Variants in EFR3A observed in about 807,000 individuals in gnomAD.
The protein encoded by EFR3A is protein EFR3 homolog A.
In EFR3A, 76 loss-of-function variants were observed where a neutral mutation model predicts 104.4. The observed-to-expected ratio is 0.73, with a 90% CI of 0.60 to 0.88. The LOEUF (loss-of-function observed/expected upper bound fraction) is 0.88. Among genes scored for constraint, EFR3A ranks in the 40% least tolerant of loss-of-function variants. EFR3A has a pLI of 0.00. For synonymous variants in EFR3A, 330 were observed against 330.0 expected (o/e 1.00, Z 0.00); for missense variants, 985 against 1,012.5 (o/e 0.97, Z 0.37).
Position 131,992,873 on chromosome 8 carries a change from G to C in EFR3A, c.2066-3533G>C, listed in dbSNP as rs76909325. On this transcript the variant is annotated intron_variant, in intron 18 of 22. Coordinates refer to ENST00000254624, the MANE Select transcript of EFR3A (RefSeq NM_015137.6). ...GTCCTTTTAATTCACAAGCAGTTTG[G>C]GGGGCATGGCTTGGGAAGTTATGTG... 7.9e-5 allele frequency among the ~76,000 whole-genome samples: 12 copies of C among 152,192 alleles called. No homozygotes were observed. The East Asian group carries it at 1.9e-3, about 24-fold the overall frequency.
intron 22 of EFR3A, 94 bp downstream of exon 22, chr8:132,003,379 T>C (rs1821884819): frequency 5.2e-6 from 6 of 1,156,866 alleles, no homozygotes; most frequent in African/African-American, 1.5e-5. Flanking sequence ...GTTTAAGTTA[T>C]CATGTTAAAG....
At chr8:131,922,670 C>T (rs1817108549) in intron 1 of EFR3A, among the ~76,000 whole-genome samples, 1 of 152,098 alleles carries the variant, frequency 6.6e-6, no homozygotes, top group South Asian at 2.1e-4. Flanking sequence ...AAATGGACAG[C>T]CTTGTTTCCA....
intron 1 of EFR3A, among the ~76,000 whole-genome samples, chr8:131,920,584 T>C (rs1816962570): frequency 6.6e-6 from 1 of 152,188 alleles, no homozygotes; most frequent in Admixed American, 6.5e-5. Flanking sequence ...CTGACTTAAG[T>C]TTTGTACGTC....
intron 15 of EFR3A, 91 bp downstream of exon 15, chr8:131,984,391 T>G (rs1820772494): frequency 8.0e-7 from 1 of 1,251,496 alleles, no homozygotes. Context: ...GACATGAATT[T>G]TAAAAGGGAG....
chr8:131,904,332 C>G lies in EFR3A; in HGVS notation c.10+10C>G. On this transcript the variant is annotated intron_variant, in intron 1 of 22. Coordinates refer to ENST00000254624, the MANE Select transcript of EFR3A (RefSeq NM_015137.6). The stretch of plus-strand genomic sequence containing the variant: ...ATCGCCATGCCTACCCGTGAGTGGC[C>G]GGCCGAGGGCCGGGGGCGTTGGGAG... The G allele has an allele frequency of 8.0e-7, 1 of 1,251,164 alleles. No individual in the cohort carries two copies. The highest frequency in any genetic ancestry group is 1.0e-6 in the Non-Finnish European group (1 of 996,760). The allele number at this position is 1,251,164 out of a possible 1,614,324, so 77.5% of individuals were successfully genotyped here. A position where few individuals can be genotyped will look rare whatever the true frequency, so the allele number is the denominator to read the frequency against.
chr8:131,989,256 T>A (rs1351529352), intron 18 of EFR3A, among the ~76,000 whole-genome samples: 1 of 152,200 alleles, frequency 6.6e-6, no homozygotes, highest in African/African-American at 2.4e-5. Flanking sequence ...AAATTTCCTT[T>A]TGCTGTGTAA....
At chr8:131,930,207 G>A (rs1234003671) in intron 1 of EFR3A, among the ~76,000 whole-genome samples, 1 of 152,102 alleles carries the variant, frequency 6.6e-6, no homozygotes, top group Non-Finnish European at 1.5e-5. Context: ...CCATGTGCTG[G>A]ATGGACATTG....
At chr8:131,925,060 G>T (rs1817233971) in intron 1 of EFR3A, among the ~76,000 whole-genome samples, 1 of 152,008 alleles carries the variant, frequency 6.6e-6, no homozygotes. Flanking sequence ...CTTAGTCTTA[G>T]TTCCTTAGTC....
Position 131,946,515 on chromosome 8 carries a change from A to G in EFR3A, c.248A>G (p.Gln83Arg). ...YVLIAMEALD[Q>R]LLMACHSQSI... Reference sequence around the variant, plus strand: ...TTGATTGCTATGGAGGCACTGGACCAACTTCTCATGGCTTGCCATTCTCAA... The same window carrying G: ...TTGATTGCTATGGAGGCACTGGACCGACTTCTCATGGCTTGCCATTCTCAA... Residue 83 changes from glutamine (Q) to arginine (R), a missense_variant, in exon 4 of 23, where the codon CAA (glutamine) becomes CGA (arginine). Physicochemically the swap from Gln to Arg is conservative, Grantham distance 43. Transcript: ENST00000254624. 3 of 1,606,320 alleles carry G rather than the reference A, an allele frequency of 1.9e-6. No homozygotes were observed. Among genetic ancestry groups the G allele is most frequent in the Non-Finnish European group, 2.6e-6 (3 of 1,176,408 alleles).
chr8:131,963,098 A>G (rs1819484257), intron 8 of EFR3A, among the ~76,000 whole-genome samples: 1 of 152,244 alleles, frequency 6.6e-6, no homozygotes, highest in Non-Finnish European at 1.5e-5. Context: ...ATAGCACTAA[A>G]TGCCCACAAG....
At chr8:131,965,132 A>G (rs1054411191) in intron 8 of EFR3A, among the ~76,000 whole-genome samples, 1 of 152,182 alleles carries the variant, frequency 6.6e-6, no homozygotes, top group African/African-American at 2.4e-5. Flanking sequence ...AACCTAGGCA[A>G]TACCATTCAG....
chr8:131,946,625 A>T lies in EFR3A; in HGVS notation c.358A>T (p.Thr120Ser), dbSNP rs776970611. 14 of 1,596,974 alleles carry T rather than the reference A, an allele frequency of 8.8e-6. No individual in the cohort carries two copies. In the South Asian group the frequency reaches 1.6e-4, roughly 18 times the overall value. ...SGEPKLQVLGTNSFVKFANIE... is the reference protein window; with the variant it reads ...SGEPKLQVLGSNSFVKFANIE... Reference sequence around the variant, plus strand: ...GGAACCAAAGCTTCAAGTTCTTGGAACAAATTCTGTGAGTAAAACTATTCT... The same window carrying T: ...GGAACCAAAGCTTCAAGTTCTTGGATCAAATTCTGTGAGTAAAACTATTCT... Residue 120 changes from threonine to serine, a missense_variant, in exon 4 of 23, where the codon ACA becomes TCA. Coordinates refer to ENST00000254624, the MANE Select transcript of EFR3A (RefSeq NM_015137.6).
intron 11 of EFR3A, among the ~76,000 whole-genome samples, chr8:131,976,685 C>T (rs531801126): frequency 1.3e-5 from 2 of 152,060 alleles, no homozygotes; most frequent in Admixed American, 6.5e-5. Flanking sequence ...CCTGTTTATT[C>T]ATATTTGTTA....
At chr8:131,913,673 A>G (rs1816626070) in intron 1 of EFR3A, among the ~76,000 whole-genome samples, 1 of 152,164 alleles carries the variant, frequency 6.6e-6, no homozygotes, top group Non-Finnish European at 1.5e-5. Context: ...TTTTCTGGAT[A>G]ATGCTAAGTG....
intron 4 of EFR3A, among the ~76,000 whole-genome samples, chr8:131,947,524 G>GTTCCTTTTTTTTTT (rs1818499635): frequency 6.7e-6 from 1 of 148,638 alleles, no homozygotes; most frequent in African/African-American, 2.5e-5. Flanking sequence ...ATGAAGTCCA[G>GTTCCTTTTTTTTTT]TTCCTTTTTT....
At chr8:131,918,437 A>T (rs537143851) in intron 1 of EFR3A, among the ~76,000 whole-genome samples, 1 of 152,382 alleles carries the variant, frequency 6.6e-6, no homozygotes, top group African/African-American at 2.4e-5. Context: ...TATATCAGGC[A>T]TTGAACTTTG....
In EFR3A at chr8:131,987,632, T is replaced by A; in HGVS notation, c.1995T>A (p.Ile665=). Reference sequence around the variant, plus strand: ...ATTTGTACTTTCTGACCAACAAGATTGCAGAGTCGCTAGGTGGAAGTGGAT... The same window carrying A: ...ATTTGTACTTTCTGACCAACAAGATAGCAGAGTCGCTAGGTGGAAGTGGAT... ...EKDLYFLTNK[I]AESLGGSGYS... is the part of the protein sequence containing the mutation. Residue 665 remains isoleucine (I), a synonymous_variant, in exon 18 of 23, where the codon ATT becomes ATA. Coordinates refer to ENST00000254624, the MANE Select transcript of EFR3A (RefSeq NM_015137.6). The A allele has an allele frequency of 6.3e-7, 1 of 1,598,352 alleles. No individual in the cohort carries two copies. The highest frequency in any genetic ancestry group is 8.5e-7 in the Non-Finnish European group (1 of 1,171,400).
At chr8:131,932,711 A>G (rs1378722071) in intron 1 of EFR3A, among the ~76,000 whole-genome samples, 1 of 152,132 alleles carries the variant, frequency 6.6e-6, no homozygotes, top group Non-Finnish European at 1.5e-5. Context: ...TATAAATGGA[A>G]ACTGTCTCCA....
chr8:131,940,847 CGCATTAATTTATGT>C (rs1414016242), intron 2 of EFR3A, among the ~76,000 whole-genome samples: 3 of 151,970 alleles, frequency 2.0e-5, no homozygotes, highest in Non-Finnish European at 4.4e-5. Context: ...GTAACACTGT[CGCATTAATTTATGT>C]TCATTAATTT....
Sources: allele counts gnomAD v4.1 joint callset (sites outside exome capture counted in the v4.1 genomes callset), GRCh38; gene constraint gnomAD v4.1.1; transcripts MANE v1.5; gene names NCBI Gene and HGNC (gene_info 2026-07-23, HGNC 2026-07-21).